Variants in PPP2R5C observed in about 807,000 individuals in gnomAD.
PPP2R5C encodes protein phosphatase 2 regulatory subunit B'gamma.
In PPP2R5C, 7 loss-of-function variants were observed where a neutral mutation model predicts 68.9. That is an observed-to-expected ratio of 0.10 (90% confidence interval 0.06 to 0.19). The LOEUF (loss-of-function observed/expected upper bound fraction) is 0.19. Ranked by LOEUF, PPP2R5C falls within the 10% of genes least tolerant of loss-of-function variation. The pLI is 1.00. For missense variants in PPP2R5C, 348 were observed against 641.3 expected, an observed-to-expected ratio of 0.54 and a Z score of 4.94; for synonymous variants, 210 against 222.2, an observed-to-expected ratio of 0.95 and a Z score of 0.49.
rs2037704893 is a variant in PPP2R5C, at chr14:101,781,738, G to A, written c.94-4280G>A. On this transcript the variant is annotated intron_variant, in intron 2 of 14. Coordinates refer to the PPP2R5C transcript ENST00000328724. This position sits in a 1 kb window ranked among gnomAD's most constrained non-coding sequence, Gnocchi z 6.4. ...GAGCCGGCCACCCGGGGAAGAAGCG[G>A]AGGACGCCGATCTGGCCTCCTGCGT... Among the ~76,000 whole-genome samples, 3 of 152,004 alleles carry A rather than the reference G, an allele frequency of 2.0e-5. No individual in the cohort carries two copies. The highest frequency in any genetic ancestry group is 2.9e-5 in the Non-Finnish European group (2 of 67,946).
In PPP2R5C at chr14:101,916,604, T is replaced by C. The variant is rs1003281302; in HGVS notation, c.1327-1227T>C. 2.0e-5 allele frequency among the ~76,000 whole-genome samples: 3 copies of C among 151,204 alleles called. No homozygotes were observed. Among genetic ancestry groups the C allele is most frequent in the Non-Finnish European group, 4.4e-5 (3 of 67,956 alleles). On this transcript the variant is annotated intron_variant, in intron 12 of 13. Coordinates refer to ENST00000334743, the Ensembl canonical transcript of PPP2R5C. This position sits in a 1 kb window ranked among gnomAD's most constrained non-coding sequence, Gnocchi z 5.5. The stretch of plus-strand genomic sequence containing the variant: ...GGGCTTAGCAGCCAGAGGGCACCCA[T>C]AGGCCTCATGCCAGAGGTGGCTCCG...
intron 8 of PPP2R5C, among the ~76,000 whole-genome samples, chr14:101,900,369 G>A (rs761597971): frequency 1.3e-5 from 2 of 152,182 alleles, no homozygotes; most frequent in African/African-American, 2.4e-5. Context: ...GAGTTGGTGC[G>A]ATCTACTGAG....
intron 2 of PPP2R5C, among the ~76,000 whole-genome samples, chr14:101,772,263 CAAG>C (rs766609140): frequency 6.6e-6 from 1 of 151,724 alleles, no homozygotes; most frequent in Non-Finnish European, 1.5e-5. Context: ...AAGAGGAGGG[CAAG>C]AAGAAGAGGG....
intron 4 of PPP2R5C, 36 bp from the exon 7 acceptor site, chr14:101,883,396 G>C: frequency 6.2e-7 from 1 of 1,611,588 alleles, no homozygotes; most frequent in Non-Finnish European, 8.5e-7. Flanking sequence ...ATGGAATGAT[G>C]ACACCCAGCC....
intron 1 of PPP2R5C, among the ~76,000 whole-genome samples, chr14:101,812,224 A>G (rs2140201364): frequency 6.6e-6 from 1 of 152,314 alleles, no homozygotes; most frequent in East Asian, 1.9e-4. Flanking sequence ...GCGTCATTAC[A>G]GTGATTAAGT....
intron 3 of PPP2R5C, 122 bp from the exon 6 acceptor site, chr14:101,883,135 G>C: frequency 1.5e-6 from 1 of 654,540 alleles, no homozygotes; most frequent in South Asian, 2.1e-5. Flanking sequence ...CATTAATTCT[G>C]TAGATATGTG....
At chr14:101,802,833 TATA>T (rs2038923105) in intron 3 of PPP2R5C, among the ~76,000 whole-genome samples, 1 of 150,888 alleles carries the variant, frequency 6.6e-6, no homozygotes, top group Non-Finnish European at 1.5e-5. Context: ...CTCCAAAGAA[TATA>T]ATATCTGCAA....
intron 2 of PPP2R5C, among the ~76,000 whole-genome samples, chr14:101,779,942 A>G (rs1012671421): frequency 1.3e-5 from 2 of 152,186 alleles, no homozygotes; most frequent in Admixed American, 6.5e-5. Flanking sequence ...ATTTTCACAT[A>G]CATAGTAGTC....
Position 101,856,799 on chromosome 14 carries a change from C to T in PPP2R5C, c.208C>T (p.Arg70Ter), listed in dbSNP as rs2042447911. 6.2e-7 allele frequency: 1 copy of T among 1,614,000 alleles called. No individual in the cohort carries two copies. The highest frequency in any genetic ancestry group is 1.3e-5 in the African/African-American group (1 of 74,904). Residue 70 changes from arginine (R) to a stop codon, truncating the protein, a stop_gained, in exon 2 of 14, where the codon CGA becomes TGA. Coordinates refer to ENST00000334743, the Ensembl canonical transcript of PPP2R5C. LOFTEE classifies it high-confidence loss of function. ...TGACCTAAAGTGGAAGGAAGTAAAA[C>T]GAGCTGCTTTAAGTGAAATGGTAGA...
intron 1 of PPP2R5C, among the ~76,000 whole-genome samples, chr14:101,810,747 T>A (rs1227316233): frequency 1.3e-5 from 2 of 152,248 alleles, no homozygotes; most frequent in Admixed American, 1.3e-4. Context: ...ACTGTTTTAA[T>A]AATTAGTTTG....
At chr14:101,853,838 C>T (rs2042283005) in intron 1 of PPP2R5C, among the ~76,000 whole-genome samples, 1 of 152,080 alleles carries the variant, frequency 6.6e-6, no homozygotes, top group South Asian at 2.1e-4. Flanking sequence ...CTGGCTACTC[C>T]TTAGGAGCCA....
At chr14:101,790,766 G>A (rs2038320100) in intron 3 of PPP2R5C, among the ~76,000 whole-genome samples, 1 of 152,206 alleles carries the variant, frequency 6.6e-6, no homozygotes, top group South Asian at 2.1e-4. Flanking sequence ...GGCTTGTGTG[G>A]TAAATTTATG....
chr14:101,909,077 T>C (rs1881102624), intron 10 of PPP2R5C, among the ~76,000 whole-genome samples: 2 of 152,076 alleles, frequency 1.3e-5, no homozygotes, highest in African/African-American at 2.4e-5. Context: ...CTGGAACAAT[T>C]TGGCCTCTTT....
intron 1 of PPP2R5C, chr14:101,831,795 G>A (rs753381080): frequency 3.8e-5 from 27 of 701,766 alleles, no homozygotes; most frequent in Admixed American, 1.0e-4. Flanking sequence ...TTGAATATGC[G>A]TGGATTTGGG....
At chr14:101,847,457 G>T (rs1218522114) in intron 1 of PPP2R5C, among the ~76,000 whole-genome samples, 2 of 152,054 alleles carry the variant, frequency 1.3e-5, no homozygotes, top group Non-Finnish European at 2.9e-5. Flanking sequence ...CTCAGCTGTG[G>T]TTCCTGTTCT....
At chr14:101,918,033 G>C in intron 13 of PPP2R5C, 86 bp downstream of exon 15, 1 of 1,563,804 alleles carries the variant, frequency 6.4e-7, no homozygotes, top group Non-Finnish European at 8.7e-7. Flanking sequence ...ATTTGCATCA[G>C]TGCCTTCTGT....
exon 14 of PPP2R5C, chr14:101,925,308 T>C (rs1223775106): frequency 6.2e-7 from 1 of 1,607,312 alleles, no homozygotes; most frequent in African/African-American, 1.3e-5. Context: ...GGCCCGCCAG[T>C]TCTTTTCCGG....
rs192705503 is a variant in PPP2R5C, at chr14:101,775,041, C to T, written c.94-10977C>T. Among the ~76,000 whole-genome samples, 374 of 152,288 alleles carry T rather than the reference C, an allele frequency of 2.5e-3. 3 individuals carry two copies. The highest frequency in any genetic ancestry group is 0.019 in the Admixed American group (291 of 15,292). ...TTCATGGGCTGTGGCTTCCCAGCCG[C>T]GGCCTACTGGAATCCAAATCGGGTT... On this transcript the variant is annotated intron_variant, in intron 2 of 14. Coordinates refer to the PPP2R5C transcript ENST00000328724.
At chr14:101,802,621 T>C (rs1364997180) in intron 3 of PPP2R5C, among the ~76,000 whole-genome samples, 1 of 151,954 alleles carries the variant, frequency 6.6e-6, no homozygotes, top group Admixed American at 6.6e-5. Flanking sequence ...TAAAAATAGA[T>C]AGATTGGACT....
Sources: gnomAD v4.1 joint callset for allele counts (sites outside exome capture counted in the v4.1 genomes callset) on GRCh38, gnomAD v4.1.1 for gene constraint, Gnocchi (gnomAD v3.1) non-coding constraint, MANE v1.5 for transcripts, NCBI Gene and HGNC (gene_info 2026-07-23, HGNC 2026-07-21) for gene names.